ABCB5: variants seen among roughly 807,000 people sequenced by gnomAD.
The protein encoded by ABCB5 is ATP binding cassette subfamily B member 5.
ABCB5 carries 155 observed loss-of-function variants against 144.2 expected under a neutral mutation model. That is an observed-to-expected ratio of 1.08 (90% CI 0.94 to 1.23). The LOEUF is 1.23. Among genes scored for constraint, ABCB5 ranks in the 50% most tolerant of loss-of-function variants. The pLI, the probability that ABCB5 is intolerant of heterozygous loss-of-function variation, is 0.00. For synonymous variants in ABCB5, 610 were observed against 528.6 expected (o/e 1.15, Z -2.11); for missense variants, 1,830 against 1,520.8 (o/e 1.20, Z -3.38).
At chr7:20,641,180 T>G (rs902425779) in intron 5 of ABCB5, among the ~76,000 whole-genome samples, 3 of 152,188 alleles carry the variant, frequency 2.0e-5, no homozygotes, top group Admixed American at 2.0e-4. Context: ...CTGCAAATCT[T>G]GTCTTTGTCC....
intron 20 of ABCB5, among the ~76,000 whole-genome samples, chr7:20,716,823 G>C (rs1781688043): frequency 6.6e-6 from 1 of 152,150 alleles, no homozygotes; most frequent in Non-Finnish European, 1.5e-5. Context: ...AGCAAAGTGG[G>C]TGAGGGCTGA....
chr7:20,727,566 C>A (rs987916319), intron 22 of ABCB5, among the ~76,000 whole-genome samples: 1 of 152,102 alleles, frequency 6.6e-6, no homozygotes, highest in Non-Finnish European at 1.5e-5. Context: ...GAAACCCCAT[C>A]TCTACTAAAA....
chr7:20,687,558 G>C (rs73263611), intron 16 of ABCB5, among the ~76,000 whole-genome samples: 2,031 of 152,320 alleles, frequency 0.013, 39 homozygotes, highest in African/African-American at 0.045. Flanking sequence ...AATGCCTGGA[G>C]CTAAAGTTTA....
intron 14 of ABCB5, among the ~76,000 whole-genome samples, chr7:20,670,114 T>G (rs1785414969): frequency 6.6e-6 from 1 of 152,130 alleles, no homozygotes; most frequent in African/African-American, 2.4e-5. Context: ...TGAGAGACTG[T>G]AACAGCCAAG....
chr7:20,738,950 G>A, intron 23 of ABCB5, 33 bp from the exon 24 acceptor site: 1 of 1,543,382 alleles, frequency 6.5e-7, no homozygotes. Context: ...AGGATCGATG[G>A]ACCTAAGATT....
chr7:20,736,773 C>T (rs1782390922), intron 23 of ABCB5, among the ~76,000 whole-genome samples: 1 of 152,206 alleles, frequency 6.6e-6, no homozygotes, highest in Non-Finnish European at 1.5e-5. Context: ...TTCAGTTTAG[C>T]TCACCCTAGC....
intron 20 of ABCB5, among the ~76,000 whole-genome samples, chr7:20,711,150 GT>G (rs35631905): frequency 0.52 from 77,221 of 148,336 alleles, 22,811 homozygotes; most frequent in East Asian, 0.84. Context: ...ATACTACATT[GT>G]AATTATTTTT....
chr7:20,649,210 C>T (rs369370639), intron 11 of ABCB5, among the ~76,000 whole-genome samples: 55 of 152,192 alleles, frequency 3.6e-4, no homozygotes, highest in East Asian at 2.1e-3. Context: ...TGGTGGTCCC[C>T]GATTTCTCAC....
chr7:20,689,595 G>A (rs1300165319), intron 16 of ABCB5, among the ~76,000 whole-genome samples: 1 of 152,058 alleles, frequency 6.6e-6, no homozygotes, highest in African/African-American at 2.4e-5. Flanking sequence ...GCTAGAGAAA[G>A]CACCCAGTGG....
chr7:20,693,834 C>T (rs1225179994), intron 16 of ABCB5, among the ~76,000 whole-genome samples: 1 of 151,350 alleles, frequency 6.6e-6, no homozygotes, highest in African/African-American at 2.4e-5. Flanking sequence ...ACAGATTCTA[C>T]ATATATTAAA....
intron 11 of ABCB5, among the ~76,000 whole-genome samples, 181 bp downstream of exon 11, chr7:20,648,259 G>A (rs1311021527): frequency 6.6e-6 from 1 of 152,066 alleles, no homozygotes; most frequent in Non-Finnish European, 1.5e-5. Flanking sequence ...GTTATATTTT[G>A]CAGCATTCTT....
At chr7:20,666,661 G>A in intron 14 of ABCB5, 1 of 1,441,170 alleles carries the variant, frequency 6.9e-7, no homozygotes. Context: ...GGTGACCTTT[G>A]TTTGGTCAAA....
chr7:20,755,520 G>C lies in ABCB5; in HGVS notation c.3670G>C (p.Val1224Leu), dbSNP rs769293362. ...LSAIQNADLIVVLHNGKIKEQ... is the reference protein window; with the variant it reads ...LSAIQNADLILVLHNGKIKEQ... ...TGCAATTCAGAACGCAGATTTGATA[G>C]TGGTTCTGCACAATGGAAAGATAAA... Residue 1224 changes from valine to leucine, a missense_variant, in exon 28 of 28, where the codon GTG becomes CTG. Transcript: ENST00000404938. 6.2e-6 allele frequency: 10 copies of C among 1,614,172 alleles called. No homozygotes were observed. The highest frequency in any genetic ancestry group is 1.7e-5 in the Admixed American group (1 of 60,018).
At chr7:20,733,248 A>G (rs1022977974) in intron 23 of ABCB5, among the ~76,000 whole-genome samples, 19 of 152,106 alleles carry the variant, frequency 1.2e-4, no homozygotes, top group Non-Finnish European at 1.3e-4. Context: ...TTTCTGTGAA[A>G]TTATTTTTTA....
rs939092967 is a variant in ABCB5, at chr7:20,738,597, T to C, written c.2868-386T>C. On this transcript the variant is annotated intron_variant, in intron 23 of 27. Transcript: ENST00000404938. Reference sequence around the variant, plus strand: ...AACAAACAAAAAATCATATCTACTGTGTAAATCCAGATCTCACTACTGGAG... The same window carrying C: ...AACAAACAAAAAATCATATCTACTGCGTAAATCCAGATCTCACTACTGGAG... 7.9e-5 allele frequency among the ~76,000 whole-genome samples: 12 copies of C among 152,356 alleles called. No homozygotes were observed. The East Asian group carries it at 1.9e-3, about 24-fold the overall frequency.
At chr7:20,740,118 T>C (rs1359498527) in intron 24 of ABCB5, among the ~76,000 whole-genome samples, 2 of 152,072 alleles carry the variant, frequency 1.3e-5, no homozygotes, top group East Asian at 1.9e-4. Context: ...CACGCACCTG[T>C]AGTCCCAGCT....
In ABCB5 at chr7:20,702,700, C is replaced by T. The variant is rs570214938; in HGVS notation, c.2338-2024C>T. On this transcript the variant is annotated intron_variant, in intron 19 of 27. Coordinates refer to ENST00000404938, the MANE Select transcript of ABCB5 (RefSeq NM_001163941.2). ...TTCCTGAGACACAGTCTCGCTCTGTCGCCCAGGCTGGACTGCAATGGCGTG... is the reference window on the plus strand; with the variant it reads ...TTCCTGAGACACAGTCTCGCTCTGTTGCCCAGGCTGGACTGCAATGGCGTG... Among the ~76,000 whole-genome samples, 10 of 140,486 alleles carry T rather than the reference C, an allele frequency of 7.1e-5. No individual in the cohort carries two copies. The South Asian group carries it at 1.6e-3, about 22-fold the overall frequency. 92.2% of individuals were successfully genotyped at this position (140,486 alleles called of 152,430 possible). A position where few individuals can be genotyped will look rare whatever the true frequency, so the allele number is the denominator to read the frequency against.
intron 17 of ABCB5, among the ~76,000 whole-genome samples, chr7:20,698,903 C>G (rs79921601): frequency 1.3e-5 from 2 of 152,104 alleles, no homozygotes; most frequent in Non-Finnish European, 2.9e-5. Context: ...CTTTTCTTAC[C>G]AGCCAGCTCA....
In ABCB5 at chr7:20,647,501, A is replaced by G. The variant is rs934689322; in HGVS notation, c.982-34A>G. 2.6e-6 allele frequency: 4 copies of G among 1,520,830 alleles called. No homozygotes were observed. In the Admixed American group the frequency reaches 9.7e-5, roughly 37 times the overall value. 94.2% of individuals were successfully genotyped at this position (1,520,830 alleles called of 1,614,324 possible). On this transcript the variant is annotated intron_variant, in intron 9 of 27. Transcript: ENST00000404938. The stretch of plus-strand genomic sequence containing the variant: ...TCTATTGTCTTTCTTATATAACTGC[A>G]GAAAGATAAATATCACTTTGTTTGT...
Sources: gnomAD v4.1 joint callset for allele counts (sites outside exome capture counted in the v4.1 genomes callset) on GRCh38, gnomAD v4.1.1 for gene constraint, MANE v1.5 for transcripts, NCBI Gene and HGNC (gene_info 2026-07-23, HGNC 2026-07-21) for gene names.